Variants in GRID2 observed in about 807,000 individuals in gnomAD.
The protein encoded by GRID2 is glutamate ionotropic receptor delta type subunit 2.
In GRID2, 33 loss-of-function variants were observed where a neutral mutation model predicts 114.8. The observed-to-expected ratio is 0.29, with a 90% confidence interval of 0.22 to 0.38. The LOEUF (loss-of-function observed/expected upper bound fraction) is 0.38, where lower values mean the gene tolerates loss of function less well. Among genes scored for constraint, GRID2 ranks in the 10% least tolerant of loss-of-function variants. GRID2 has a pLI of 1.00. For synonymous variants in GRID2, 505 were observed against 449.9 expected (o/e 1.12, Z -1.55); for missense variants, 1,184 against 1,257.7 (o/e 0.94, Z 0.89).
At chr4:93,558,767 G>A (rs149476312) in intron 13 of GRID2, among the ~76,000 whole-genome samples, 2 of 152,068 alleles carry the variant, frequency 1.3e-5, no homozygotes, top group African/African-American at 4.8e-5. Flanking sequence ...CCAAAACCTG[G>A]CAGAAACACA....
At chr4:93,685,210 T>A (rs532981387) in intron 14 of GRID2, among the ~76,000 whole-genome samples, 1 of 152,240 alleles carries the variant, frequency 6.6e-6, no homozygotes, top group Admixed American at 6.5e-5. Context: ...CTGGTGTCTG[T>A]ACCAAGTAGT....
At chr4:92,535,192 TTA>T (rs1725551646) in intron 1 of GRID2, among the ~76,000 whole-genome samples, 1 of 152,154 alleles carries the variant, frequency 6.6e-6, no homozygotes, top group Non-Finnish European at 1.5e-5. Context: ...ACTCAGATGT[TTA>T]TATTTTAAGA....
At chr4:93,681,592 A>G (rs1327761765) in intron 14 of GRID2, among the ~76,000 whole-genome samples, 3 of 152,164 alleles carry the variant, frequency 2.0e-5, no homozygotes, top group Non-Finnish European at 4.4e-5. Context: ...ATATAGATCA[A>G]TGGAACAGAA....
chr4:93,267,055 G>T (rs1750918757), intron 8 of GRID2, among the ~76,000 whole-genome samples: 1 of 148,274 alleles, frequency 6.7e-6, no homozygotes, highest in African/African-American at 2.5e-5. Flanking sequence ...TTCTGCTTCT[G>T]AGCTGTTTCA....
chr4:93,240,869 G>A (rs781435062), intron 8 of GRID2, among the ~76,000 whole-genome samples: 31 of 151,320 alleles, frequency 2.0e-4, no homozygotes, highest in Non-Finnish European at 3.6e-4. Flanking sequence ...TAGAGTAGTC[G>A]CATTCACCAA....
intron 2 of GRID2, among the ~76,000 whole-genome samples, chr4:92,860,866 C>T (rs531989715): frequency 3.3e-5 from 5 of 151,978 alleles, no homozygotes; most frequent in African/African-American, 4.8e-5. Flanking sequence ...TTATCCTTTA[C>T]GTATGTGAGA....
At chr4:92,636,379 A>C (rs1731065407) in intron 2 of GRID2, among the ~76,000 whole-genome samples, 2 of 152,068 alleles carry the variant, frequency 1.3e-5, no homozygotes, top group African/African-American at 4.8e-5. Flanking sequence ...GAGGATGTTC[A>C]GGAAAAAAAA....
intron 1 of GRID2, among the ~76,000 whole-genome samples, chr4:92,438,970 G>C (rs1038805019): frequency 2.0e-5 from 3 of 152,116 alleles, no homozygotes; most frequent in African/African-American, 7.2e-5. Context: ...GCGTCCCTGT[G>C]AAGAGACCAC....
At chr4:92,811,408 T>C (rs1740657681) in intron 2 of GRID2, among the ~76,000 whole-genome samples, 1 of 152,134 alleles carries the variant, frequency 6.6e-6, no homozygotes, top group Non-Finnish European at 1.5e-5. Flanking sequence ...TCTTTACTGT[T>C]TCTTTTGTAT....
intron 7 of GRID2, among the ~76,000 whole-genome samples, chr4:93,236,663 C>T (rs1029262324): frequency 1.8e-4 from 28 of 151,958 alleles, no homozygotes; most frequent in Non-Finnish European, 2.9e-4. Context: ...CAACCTTCAC[C>T]CTCAGTTGCT....
intron 1 of GRID2, among the ~76,000 whole-genome samples, chr4:93,790,897 C>A (rs537524514): frequency 6.6e-6 from 1 of 152,220 alleles, no homozygotes; most frequent in South Asian, 2.1e-4. Context: ...AATAATAGAA[C>A]GTTTCTCATC....
chr4:93,238,279 A>G (rs1004955596), intron 7 of GRID2, 92 bp from the exon 8 acceptor site: 1 of 832,690 alleles, frequency 1.2e-6, no homozygotes, highest in Non-Finnish European at 1.8e-6. Flanking sequence ...TATTTTATAG[A>G]TAGAAGTAGA....
At chr4:93,416,867 C>G (rs79716896) in intron 9 of GRID2, among the ~76,000 whole-genome samples, 2,074 of 152,162 alleles carry the variant, frequency 0.014, 43 homozygotes, top group African/African-American at 0.046. Context: ...TTTCTACAAG[C>G]AGGTCTGTGG....
At chr4:92,711,532 G>C (rs1037577075) in intron 2 of GRID2, among the ~76,000 whole-genome samples, 1 of 152,126 alleles carries the variant, frequency 6.6e-6, no homozygotes, top group African/African-American at 2.4e-5. Context: ...CTGCAATAGA[G>C]TAACTGTTTC....
intron 13 of GRID2, among the ~76,000 whole-genome samples, chr4:93,568,569 G>C (rs1735646457): frequency 6.6e-6 from 1 of 152,142 alleles, no homozygotes; most frequent in Admixed American, 6.5e-5. Flanking sequence ...TATAATAATG[G>C]ATAGAAAACA....
chr4:93,011,176 C>G (rs1426565709), intron 2 of GRID2, among the ~76,000 whole-genome samples: 1 of 147,426 alleles, frequency 6.8e-6, no homozygotes, highest in Non-Finnish European at 1.5e-5. Context: ...TTTTTAATTA[C>G]TTTTGGAAGG....
intron 2 of GRID2, among the ~76,000 whole-genome samples, chr4:93,002,031 T>C (rs1721042268): frequency 6.6e-6 from 1 of 151,630 alleles, no homozygotes; most frequent in Admixed American, 6.6e-5. Context: ...GTAAGCTAGT[T>C]TCTAAGAAAT....
intron 6 of GRID2, among the ~76,000 whole-genome samples, chr4:93,220,927 A>AT (rs1404372239): frequency 6.6e-6 from 1 of 152,208 alleles, no homozygotes; most frequent in African/African-American, 2.4e-5. Context: ...GTTGTATTAG[A>AT]TAATCAAGTT....
At chr4:93,223,496 T>C (rs968024717) in intron 6 of GRID2, among the ~76,000 whole-genome samples, 1 of 152,158 alleles carries the variant, frequency 6.6e-6, no homozygotes, top group Non-Finnish European at 1.5e-5. Context: ...CTTAGTACCA[T>C]CCTGTGATGT....
Sources: allele counts gnomAD v4.1 joint callset (sites outside exome capture counted in the v4.1 genomes callset), GRCh38; gene constraint gnomAD v4.1.1; transcripts MANE v1.5; gene names NCBI Gene and HGNC (gene_info 2026-07-23, HGNC 2026-07-21).